The following OR9Q1 variants were observed in gnomAD, a reference collection of about 807,000 sequenced individuals.
OR9Q1 encodes olfactory receptor 9Q1.
For synonymous variants in OR9Q1, 153 were observed against 148.6 expected, an observed-to-expected ratio of 1.03 and a Z score of -0.22; for missense variants, 374 against 378.8, an observed-to-expected ratio of 0.99 and a Z score of 0.11.
At chr11:58,156,458 A>T (rs969626762) in intron 2 of OR9Q1, among the ~76,000 whole-genome samples, 4 of 152,168 alleles carry the variant, frequency 2.6e-5, no homozygotes, top group Non-Finnish European at 5.9e-5. Flanking sequence ...GTTCAAATTA[A>T]AAGTCGATGT....
intron 2 of OR9Q1, among the ~76,000 whole-genome samples, chr11:58,098,003 G>A (rs571269480): frequency 6.6e-6 from 1 of 152,280 alleles, no homozygotes; most frequent in Non-Finnish European, 1.5e-5. Context: ...TGGAGTGATG[G>A]ATATGTCCTT....
At chr11:58,073,069 T>C (rs1224435143) in intron 2 of OR9Q1, 3 of 207,386 alleles carry the variant, frequency 1.4e-5, no homozygotes, top group Non-Finnish European at 3.2e-5. Flanking sequence ...TTGATGCCTG[T>C]CTCATATACA....
At chr11:58,154,780 C>G (rs1452860787) in intron 2 of OR9Q1, among the ~76,000 whole-genome samples, 1 of 152,140 alleles carries the variant, frequency 6.6e-6, no homozygotes, top group Non-Finnish European at 1.5e-5. Context: ...CCCAAGGTCA[C>G]ATAACATAGT....
chr11:58,171,494 C>G (rs1400830000), intron 2 of OR9Q1: 1 of 152,236 alleles, frequency 6.6e-6, no homozygotes, highest in Non-Finnish European at 1.5e-5. Context: ...GCAAAGATTC[C>G]TCAACCTTTT....
intron 1 of OR9Q1, among the ~76,000 whole-genome samples, chr11:58,042,311 T>A (rs183497381): frequency 7.9e-5 from 12 of 152,290 alleles, no homozygotes; most frequent in Admixed American, 7.2e-4. Flanking sequence ...CCATCTTGAA[T>A]TAATTTTTGT....
chr11:58,147,432 C>G (rs1186718145), intron 2 of OR9Q1, among the ~76,000 whole-genome samples: 1 of 152,126 alleles, frequency 6.6e-6, no homozygotes, highest in African/African-American at 2.4e-5. Context: ...CCTTACTGGG[C>G]TGCTTCTGTG....
intron 2 of OR9Q1, among the ~76,000 whole-genome samples, chr11:58,061,397 G>T (rs142392512): frequency 6.6e-6 from 1 of 152,240 alleles, no homozygotes; most frequent in African/African-American, 2.4e-5. Flanking sequence ...ACCAGGCCCT[G>T]GTTATTCCAT....
rs983173323 is a variant in OR9Q1, at chr11:58,134,229, A to G, written c.-14-45202A>G. ...ATCCCCCTTGAAAGAAGAGAATTTC[A>G]TCTGCTTCCATCAGTGTCTGAGAGG... On this transcript the variant is annotated intron_variant, in intron 2 of 2. Transcript: ENST00000335397. Among the ~76,000 whole-genome samples the G allele has an allele frequency of 7.2e-5, 11 of 152,162 alleles. 1 individual carries two copies. Among genetic ancestry groups the G allele is most frequent in the Admixed American group, 3.9e-4 (6 of 15,272 alleles).
At chr11:58,119,026 A>T in intron 2 of OR9Q1, 1 of 1,613,988 alleles carries the variant, frequency 6.2e-7, no homozygotes, top group Admixed American at 1.7e-5. Flanking sequence ...GCTCCAGCAG[A>T]GCCTGGGATT....
At chr11:58,163,019 G>T (rs911348252) in intron 2 of OR9Q1, among the ~76,000 whole-genome samples, 1 of 152,188 alleles carries the variant, frequency 6.6e-6, no homozygotes, top group Non-Finnish European at 1.5e-5. Flanking sequence ...TTACAGAGGG[G>T]TGAATCAGAT....
intron 2 of OR9Q1, chr11:58,145,434 C>T (rs7949119): frequency 0.25 from 38,467 of 152,032 alleles, 5,056 homozygotes; most frequent in Middle Eastern, 0.37. Context: ...ACTCTTGAGC[C>T]CCATCAAGCC....
intron 2 of OR9Q1, chr11:58,124,765 T>C (rs559210165): frequency 6.6e-6 from 1 of 152,354 alleles, no homozygotes; most frequent in African/African-American, 2.4e-5. Context: ...ATTCTAACCC[T>C]GGTTCTCTGA....
chr11:58,160,583 C>A (rs1031137504), intron 2 of OR9Q1, among the ~76,000 whole-genome samples: 3 of 152,034 alleles, frequency 2.0e-5, no homozygotes, highest in Non-Finnish European at 4.4e-5. Flanking sequence ...TCTCAGCCTC[C>A]CAAATTGCTA....
chr11:58,130,300 T>C (rs1252231215), intron 2 of OR9Q1, among the ~76,000 whole-genome samples: 2 of 152,146 alleles, frequency 1.3e-5, no homozygotes, highest in Non-Finnish European at 2.9e-5. Context: ...AAATTTAACA[T>C]AGTAGGCAGG....
At chr11:58,133,646 A>G (rs1010938377) in intron 2 of OR9Q1, among the ~76,000 whole-genome samples, 4 of 152,240 alleles carry the variant, frequency 2.6e-5, no homozygotes, top group African/African-American at 9.6e-5. Flanking sequence ...TAGAAAGGTG[A>G]GATCACATGG....
At chr11:58,112,722 A>G (rs542491116) in intron 2 of OR9Q1, among the ~76,000 whole-genome samples, 2 of 152,256 alleles carry the variant, frequency 1.3e-5, no homozygotes, top group South Asian at 4.2e-4. Context: ...CAATAAGAAC[A>G]TTCCTGGAAA....
chr11:58,174,486 G>A (rs1188430148), intron 2 of OR9Q1, among the ~76,000 whole-genome samples: 3 of 151,912 alleles, frequency 2.0e-5, no homozygotes, highest in Admixed American at 1.3e-4. Flanking sequence ...GTACCCCATG[G>A]TCAAATACTT....
In OR9Q1 at chr11:58,119,141, A is replaced by G. The variant is rs1853996181; in HGVS notation, c.-14-60290A>G. On this transcript the variant is annotated intron_variant, in intron 2 of 2. Transcript: ENST00000335397. ...GTGCCTGCACAGATGGTGAATAAAA[A>G]GAACTGGGCAGCACAGTGGCCGTAG... 2.5e-6 allele frequency: 4 copies of G among 1,613,912 alleles called. No homozygotes were observed. In the Admixed American group the frequency reaches 6.7e-5, roughly 27 times the overall value.
chr11:58,180,517 TC>T lies in OR9Q1; in HGVS notation c.*142del. ...ATAAAAAAGAACCAGAACTTTTAGCTCCAGGGAGAGGAAGGAAGACAAGGAA... is the reference window on the plus strand; with the variant it reads ...ATAAAAAAGAACCAGAACTTTTAGCTCAGGGAGAGGAAGGAAGACAAGGAA... On this transcript the variant is annotated 3_prime_UTR_variant, in exon 3 of 3. Transcript: ENST00000335397. The T allele has an allele frequency of 2.0e-6, 1 of 506,654 alleles. No individual in the cohort carries two copies. The highest frequency in any genetic ancestry group is 3.2e-4 in the Middle Eastern group (1 of 3,160). The allele number at this position is 506,654 out of a possible 1,614,324, so 31.4% of individuals were successfully genotyped here. A position where few individuals can be genotyped will look rare whatever the true frequency, so the allele number is the denominator to read the frequency against.
Sources: gnomAD v4.1 joint callset for allele counts (sites outside exome capture counted in the v4.1 genomes callset) on GRCh38, gnomAD v4.1.1 for gene constraint, MANE v1.5 for transcripts, NCBI Gene and HGNC (gene_info 2026-07-23, HGNC 2026-07-21) for gene names.